Variants in THOC1 observed in about 807,000 individuals in gnomAD.
THOC1 encodes the protein THO complex subunit 1.
Under a neutral mutation model 97.3 loss-of-function variants are expected in THOC1, and 29 were observed. That is an observed-to-expected ratio of 0.30 (90% CI 0.22 to 0.41). The LOEUF is 0.41. THOC1 is among the 10% of genes least tolerant of loss of function. The pLI, the probability that THOC1 is intolerant of heterozygous loss-of-function variation, is 1.00. For synonymous variants in THOC1, 255 were observed against 257.0 expected (o/e 0.99, Z 0.07); for missense variants, 529 against 761.9 (o/e 0.69, Z 3.60).
Position 224,919 on chromosome 18 carries a change from T to C in THOC1, c.1208+5A>G. ...GTATTTACCTTTCTTTCAGTATGTA[T>C]TTACCTTTCTTTCACAAAACTTGGG... On this transcript the variant is annotated splice_donor_5th_base_variant and intron_variant, in intron 15 of 20. Coordinates refer to ENST00000261600, the MANE Select transcript of THOC1 (RefSeq NM_005131.3). The C allele has an allele frequency of 6.4e-7, 1 of 1,564,942 alleles. No homozygotes were observed. Among genetic ancestry groups the C allele is most frequent in the Non-Finnish European group, 8.7e-7 (1 of 1,152,416 alleles).
At chr18:216,234 G>A (rs966999965) in intron 19 of THOC1, 6 of 367,064 alleles carry the variant, frequency 1.6e-5, no homozygotes, top group African/African-American at 6.3e-5. Flanking sequence ...TTACAGTCGT[G>A]AGCCACCGCA....
intron 6 of THOC1, 139 bp downstream of exon 6, chr18:259,543 T>C (rs1013405606): frequency 5.4e-5 from 41 of 758,532 alleles, no homozygotes; most frequent in Non-Finnish European, 8.7e-5. Flanking sequence ...TAATGAGTTC[T>C]AACAAATCAG....
intron 11 of THOC1, among the ~76,000 whole-genome samples, chr18:232,560 T>C (rs562675244): frequency 1.3e-5 from 2 of 151,874 alleles, no homozygotes; most frequent in African/African-American, 2.4e-5. Context: ...AAATACATCA[T>C]TTACAAACAA....
At chr18:215,946 C>T (rs1394671434) in intron 19 of THOC1, among the ~76,000 whole-genome samples, 1 of 152,056 alleles carries the variant, frequency 6.6e-6, no homozygotes, top group East Asian at 1.9e-4. Flanking sequence ...AACAGTTTAC[C>T]TGAAGTATCA....
chr18:243,451 T>A (rs1911978288), intron 11 of THOC1, among the ~76,000 whole-genome samples: 1 of 151,996 alleles, frequency 6.6e-6, no homozygotes, highest in African/African-American at 2.4e-5. Context: ...GGCAGGAGAA[T>A]CGCTTAAACC....
At chr18:249,358 T>C (rs756009139) in intron 9 of THOC1, among the ~76,000 whole-genome samples, 4 of 152,282 alleles carry the variant, frequency 2.6e-5, no homozygotes, top group Middle Eastern at 3.4e-3. Context: ...GGGTTTTCTA[T>C]GAATTGGGTT....
At chr18:257,656 G>A (rs1332306695) in intron 7 of THOC1, among the ~76,000 whole-genome samples, 1 of 151,876 alleles carries the variant, frequency 6.6e-6, no homozygotes, top group African/African-American at 2.4e-5. Flanking sequence ...GACACACAAA[G>A]AGGCAAGATA....
rs545383561 is a variant in THOC1, at chr18:218,116, T to C, written c.1454+770A>G. On this transcript the variant is annotated intron_variant, in intron 18 of 20. Transcript: ENST00000261600. ...GTCACAGGGTCACACTAGTCACAAA[T>C]ACTGAGTGCTAACCACATGCCCTGT... 2.6e-5 allele frequency among the ~76,000 whole-genome samples: 4 copies of C among 152,334 alleles called. No homozygotes were observed. In the East Asian group the frequency reaches 7.7e-4, roughly 29 times the overall value.
chr18:244,859 TAAAAA>T (rs532029784), intron 11 of THOC1: 1 of 147,412 alleles, frequency 6.8e-6, no homozygotes, highest in East Asian at 2.0e-4. Context: ...CTCTTCCACT[TAAAAA>T]AAAAAAATCT....
chr18:256,031 T>A (rs1185768303), intron 7 of THOC1, among the ~76,000 whole-genome samples: 1 of 152,246 alleles, frequency 6.6e-6, no homozygotes, highest in East Asian at 1.9e-4. Flanking sequence ...TATTATTGCT[T>A]ATTCACAATG....
In THOC1 at chr18:254,173, A is replaced by G; in HGVS notation, c.603+100T>C. 2.4e-6 allele frequency: 2 copies of G among 831,192 alleles called. No individual in the cohort carries two copies. The highest frequency in any genetic ancestry group is 4.0e-6 in the Non-Finnish European group (2 of 504,502). 51.5% of individuals were successfully genotyped at this position (831,192 alleles called of 1,614,324 possible). Reference sequence around the variant, plus strand: ...GCGATCTGCCCACCTCAGCCTCCCAAAGTGCTAGGATTACAAGTGTGAGCC... The same window carrying G: ...GCGATCTGCCCACCTCAGCCTCCCAGAGTGCTAGGATTACAAGTGTGAGCC... On this transcript the variant is annotated intron_variant, in intron 8 of 20. Coordinates refer to ENST00000261600, the MANE Select transcript of THOC1 (RefSeq NM_005131.3). This position sits in a 1 kb window ranked among gnomAD's most constrained non-coding sequence, Gnocchi z 4.1.
intron 17 of THOC1, among the ~76,000 whole-genome samples, chr18:222,495 A>G (rs1411079170): frequency 6.6e-6 from 1 of 152,250 alleles, no homozygotes; most frequent in Non-Finnish European, 1.5e-5. Flanking sequence ...ATGAGAAAAT[A>G]TAGTCATTGA....
intron 19 of THOC1, 108 bp downstream of exon 19, chr18:216,378 G>C: frequency 1.6e-6 from 2 of 1,212,408 alleles, no homozygotes; most frequent in Non-Finnish European, 1.2e-6. Flanking sequence ...GGAGCTTGTG[G>C]ATCACTGGTT....
At chr18:235,726 A>G (rs1231589069) in intron 11 of THOC1, among the ~76,000 whole-genome samples, 1 of 152,160 alleles carries the variant, frequency 6.6e-6, no homozygotes, top group Non-Finnish European at 1.5e-5. Context: ...TTCTTCGTGT[A>G]TAATCTTTGA....
intron 11 of THOC1, among the ~76,000 whole-genome samples, chr18:229,853 C>G (rs605826): frequency 0.67 from 101,108 of 152,026 alleles, 33,734 homozygotes; most frequent in South Asian, 0.78. Flanking sequence ...TTCTCCTCTT[C>G]TCCCTTCATT....
At position 238,883 on chromosome 18, in the gene THOC1, G is replaced by A. The variant is rs183166068; in HGVS notation, c.918+7441C>T. Among the ~76,000 whole-genome samples, 305 of 152,256 alleles carry A rather than the reference G, an allele frequency of 2.0e-3. 3 individuals carry two copies. The highest frequency in any genetic ancestry group is 6.7e-3 in the African/African-American group (280 of 41,560). ...TGTTTTACATTAGTACTGTTTGAAA[G>A]TTTTCAGTTTAAAAGATGACTTTAT... On this transcript the variant is annotated intron_variant, in intron 11 of 20. Coordinates refer to ENST00000261600, the MANE Select transcript of THOC1 (RefSeq NM_005131.3).
chr18:266,607 G>T (rs1434238956), intron 1 of THOC1, among the ~76,000 whole-genome samples: 2 of 142,016 alleles, frequency 1.4e-5, no homozygotes, highest in East Asian at 4.1e-4. Context: ...GCATGATCTT[G>T]GCTCACTGCA....
chr18:227,349 C>T (rs1911327645), intron 11 of THOC1, among the ~76,000 whole-genome samples: 1 of 152,020 alleles, frequency 6.6e-6, no homozygotes, highest in Non-Finnish European at 1.5e-5. Context: ...AAAACTGAGG[C>T]TACTACTTTC....
chr18:224,040 T>G lies in THOC1; in HGVS notation c.1304+44A>C, dbSNP rs75983523. On this transcript the variant is annotated intron_variant, in intron 16 of 20. Transcript: ENST00000261600. ...TTCTTAAAGTAACATCTTCAAAATA[T>G]AAAAATAACTAAGAACATCCCACAT... 5,335 of 1,317,218 alleles carry G rather than the reference T, an allele frequency of 4.1e-3. 24 individuals are homozygous for G. The highest frequency in any genetic ancestry group is 4.6e-3 in the Non-Finnish European group (4,251 of 932,810). 81.6% of individuals were successfully genotyped at this position (1,317,218 alleles called of 1,614,324 possible).
Sources: gnomAD v4.1 joint callset for allele counts (sites outside exome capture counted in the v4.1 genomes callset) on GRCh38, gnomAD v4.1.1 for gene constraint, Gnocchi (gnomAD v3.1) non-coding constraint, MANE v1.5 for transcripts, NCBI Gene and HGNC (gene_info 2026-07-23, HGNC 2026-07-21) for gene names.